The following CSNK1G1 variants were observed in gnomAD, a reference collection of about 807,000 sequenced individuals.
CSNK1G1 encodes casein kinase I isoform gamma-1.
In CSNK1G1, 22 loss-of-function variants were observed where a neutral mutation model predicts 59.6. The observed-to-expected ratio is 0.37, with a 90% CI of 0.26 to 0.53. CSNK1G1 has a LOEUF of 0.53. CSNK1G1 is among the 20% of genes least tolerant of loss of function. The pLI is 0.89. For synonymous variants in CSNK1G1, 179 were observed against 177.1 expected (o/e 1.01, Z -0.08); for missense variants, 384 against 519.5 (o/e 0.74, Z 2.54).
intron 4 of CSNK1G1, among the ~76,000 whole-genome samples, chr15:64,227,440 T>C (rs886808511): frequency 6.6e-6 from 1 of 152,220 alleles, no homozygotes; most frequent in Non-Finnish European, 1.5e-5. Context: ...GAATTACTTA[T>C]TTCAGTTAAC....
At chr15:64,270,327 T>G (rs993995815) in intron 2 of CSNK1G1, among the ~76,000 whole-genome samples, 3 of 152,220 alleles carry the variant, frequency 2.0e-5, no homozygotes, top group Admixed American at 1.3e-4. Flanking sequence ...TTTGGTTATT[T>G]TTTGTCTTCT....
In CSNK1G1 at chr15:64,216,314, A is replaced by G. The variant is rs2082311202; in HGVS notation, c.444+248T>C. 6.6e-6 allele frequency among the ~76,000 whole-genome samples: 1 copy of G among 152,202 alleles called. No individual in the cohort carries two copies. The highest frequency in any genetic ancestry group is 2.1e-4 in the South Asian group (1 of 4,834). On this transcript the variant is annotated intron_variant, in intron 5 of 11. Transcript: ENST00000303052. This position sits in a 1 kb window ranked among gnomAD's most constrained non-coding sequence, Gnocchi z 4.6. Reference sequence around the variant, plus strand: ...CCTCTTTCTCCCTAATCTAAATTATATACTTCCTCTTCAGTTAAGGGCAGA... The same window carrying G: ...CCTCTTTCTCCCTAATCTAAATTATGTACTTCCTCTTCAGTTAAGGGCAGA...
chr15:64,217,096 T>C (rs1212927732), intron 4 of CSNK1G1, among the ~76,000 whole-genome samples: 2 of 152,336 alleles, frequency 1.3e-5, no homozygotes, highest in East Asian at 1.9e-4. Context: ...ACATAACTTG[T>C]TACATTATCT....
At chr15:64,347,531 G>C (rs540034951) in intron 1 of CSNK1G1, among the ~76,000 whole-genome samples, 1 of 146,816 alleles carries the variant, frequency 6.8e-6, no homozygotes, top group Non-Finnish European at 1.5e-5. Context: ...CAGGAGGATC[G>C]CTTGAGCCCA....
chr15:64,304,339 C>T lies in CSNK1G1; in HGVS notation c.-224-3616G>A, dbSNP rs372200545. The stretch of plus-strand genomic sequence containing the variant: ...CGGAGGGGGCAGTGGGCTGAGATCA[C>T]GCCATTGAACTCCAGCCTGGGCAAC... On this transcript the variant is annotated intron_variant, in intron 1 of 11. Transcript: ENST00000303052. Among the ~76,000 whole-genome samples the T allele has an allele frequency of 1.7e-3, 232 of 132,648 alleles. 1 individual carries two copies. Among genetic ancestry groups the T allele is most frequent in the African/African-American group, 6.4e-3 (228 of 35,562 alleles). 87.0% of individuals were successfully genotyped at this position (132,648 alleles called of 152,430 possible). A position where few individuals can be genotyped will look rare whatever the true frequency, so the allele number is the denominator to read the frequency against.
intron 6 of CSNK1G1, among the ~76,000 whole-genome samples, chr15:64,208,022 C>T (rs1193862893): frequency 6.6e-6 from 1 of 152,192 alleles, no homozygotes; most frequent in Non-Finnish European, 1.5e-5. Flanking sequence ...CTGGCTAGGC[C>T]TGCAAAGATA....
At chr15:64,204,689 A>G (rs2082154119) in intron 8 of CSNK1G1, 100 bp from the exon 9 acceptor site, 1 of 1,305,430 alleles carries the variant, frequency 7.7e-7, no homozygotes, top group South Asian at 1.3e-5. Flanking sequence ...TATACAGACA[A>G]TTTGACACTG....
In CSNK1G1 at chr15:64,165,718, CCAAA is replaced by C. The variant is rs1193204397; in HGVS notation, c.*6209_*6212del. On this transcript the variant is annotated 3_prime_UTR_variant, in exon 12 of 12. Transcript: ENST00000303052. ...AAAAACAGACAAACCAATCAACCAA[CCAAA>C]CAAGCAGAAGTAGCCAAGAAAGGTA... 1 of 255,546 alleles carries C rather than the reference CCAAA, an allele frequency of 3.9e-6. No individual in the cohort carries two copies. The highest frequency in any genetic ancestry group is 7.3e-6 in the Non-Finnish European group (1 of 136,154). 15.8% of individuals were successfully genotyped at this position (255,546 alleles called of 1,614,324 possible).
intron 10 of CSNK1G1, among the ~76,000 whole-genome samples, chr15:64,185,561 T>C (rs1326255886): frequency 1.3e-5 from 2 of 152,040 alleles, no homozygotes; most frequent in Non-Finnish European, 2.9e-5. Flanking sequence ...GTTGGATCCA[T>C]TTCTAAAGGA....
At chr15:64,183,861 G>A (rs533770781) in intron 10 of CSNK1G1, among the ~76,000 whole-genome samples, 93 of 150,984 alleles carry the variant, frequency 6.2e-4, no homozygotes, top group African/African-American at 2.1e-3. Flanking sequence ...TCAGCCTCCC[G>A]AGTAGCTGGG....
intron 3 of CSNK1G1, among the ~76,000 whole-genome samples, chr15:64,256,643 T>C (rs1354613341): frequency 2.0e-5 from 3 of 152,198 alleles, no homozygotes; most frequent in Admixed American, 2.0e-4. Context: ...ACCCAACTGT[T>C]AGAAAACCTC....
Position 64,207,676 on chromosome 15 carries a change from AC to A in CSNK1G1, c.680-83del, listed in dbSNP as rs1202348560. The A allele has an allele frequency of 4.0e-6, 4 of 1,012,650 alleles. No homozygotes were observed. In the African/African-American group the frequency reaches 4.8e-5, roughly 12 times the overall value. The allele number at this position is 1,012,650 out of a possible 1,614,324, so 62.7% of individuals were successfully genotyped here. Reference sequence around the variant, plus strand: ...TCAAAACCAAGTAATCCCTTCAGAAACCCTTCGGCTCTGGAAAGGCTCTGCT... The same window carrying A: ...TCAAAACCAAGTAATCCCTTCAGAAACCTTCGGCTCTGGAAAGGCTCTGCT... On this transcript the variant is annotated intron_variant, in intron 6 of 11. Transcript: ENST00000303052.
chr15:64,204,578 T>C lies in CSNK1G1; in HGVS notation c.862A>G (p.Thr288Ala), dbSNP rs200477583. The C allele has an allele frequency of 1.4e-5, 22 of 1,613,402 alleles. No homozygotes were observed. Among genetic ancestry groups the C allele is most frequent in the South Asian group, 8.8e-5 (8 of 90,926 alleles). Residue 288 changes from threonine to alanine, a missense_variant, in exon 9 of 12, where the codon ACC (threonine) becomes GCC (alanine). By Grantham distance (58) the Thr-to-Ala change is moderately conservative. Coordinates refer to ENST00000303052, the MANE Select transcript of CSNK1G1 (RefSeq NM_022048.5). ...AGTCGCCTGACATATCGAAGGTAGG[T>C]TGCCATCTCCTCTGTTAGGAAAGAG... ...LCENFPEEMA[T>A]YLRYVRRLDF...
chr15:64,318,430 T>C (rs1303390747), intron 1 of CSNK1G1, among the ~76,000 whole-genome samples: 1 of 152,140 alleles, frequency 6.6e-6, no homozygotes, highest in African/African-American at 2.4e-5. Flanking sequence ...ACTCTGAAGT[T>C]TTCTTTGCTA....
At chr15:64,319,111 C>G (rs563056902) in intron 1 of CSNK1G1, among the ~76,000 whole-genome samples, 8 of 152,208 alleles carry the variant, frequency 5.3e-5, no homozygotes, top group African/African-American at 1.9e-4. Flanking sequence ...CCTCAGCCTC[C>G]CAAAGTGCTG....
At chr15:64,314,761 C>T (rs1036057605) in intron 1 of CSNK1G1, among the ~76,000 whole-genome samples, 4 of 152,088 alleles carry the variant, frequency 2.6e-5, no homozygotes, top group Admixed American at 1.3e-4. Context: ...TTTTACTTAG[C>T]ATAATAAAAT....
Position 64,257,541 on chromosome 15 carries a change from C to G in CSNK1G1, c.222+1660G>C, listed in dbSNP as rs183975250. On this transcript the variant is annotated intron_variant, in intron 3 of 11. Transcript: ENST00000303052. ...TATGGTTAATATTATTTTTTTGAGA[C>G]AGGGTATCACTCTGTCACCCAGGCT... Among the ~76,000 whole-genome samples, 64 of 152,118 alleles carry G rather than the reference C, an allele frequency of 4.2e-4. 1 individual carries two copies. Among genetic ancestry groups the G allele is most frequent in the African/African-American group, 1.5e-3 (63 of 41,496 alleles).
chr15:64,206,481 C>T (rs959546445), intron 7 of CSNK1G1, among the ~76,000 whole-genome samples: 2 of 149,666 alleles, frequency 1.3e-5, no homozygotes, highest in African/African-American at 2.4e-5. Flanking sequence ...GTGGCATGCA[C>T]CTGTAATCCC....
chr15:64,229,982 C>T (rs1347840123), intron 4 of CSNK1G1, among the ~76,000 whole-genome samples: 1 of 122,046 alleles, frequency 8.2e-6, no homozygotes, highest in Non-Finnish European at 1.6e-5. Flanking sequence ...AGGGCAGTGG[C>T]GCGACCTCGG....
Sources: gnomAD v4.1 joint callset for allele counts (sites outside exome capture counted in the v4.1 genomes callset) on GRCh38, gnomAD v4.1.1 for gene constraint, Gnocchi (gnomAD v3.1) non-coding constraint, MANE v1.5 for transcripts, NCBI Gene and HGNC (gene_info 2026-07-23, HGNC 2026-07-21) for gene names.